The following MPDZ variants were observed in gnomAD, a reference collection of about 807,000 sequenced individuals.
The protein encoded by MPDZ is multiple PDZ domain protein.
Under a neutral mutation model 239.1 loss-of-function variants are expected in MPDZ, and 234 were observed. The ratio of observed to expected loss-of-function variants is 0.98; its 90% CI spans 0.88 to 1.09. MPDZ has a LOEUF of 1.09. Ranked by LOEUF, MPDZ falls within the 50% of genes least tolerant of loss-of-function variation. The pLI, the probability that MPDZ is intolerant of heterozygous loss-of-function variation, is 0.00. For missense variants in MPDZ, 3,175 were observed against 2,510.0 expected (o/e 1.26, Z -5.66); for synonymous variants, 1,048 against 881.3 (o/e 1.19, Z -3.35).
chr9:13,174,613 T>C (rs1952220188), intron 21 of MPDZ, among the ~76,000 whole-genome samples: 1 of 152,176 alleles, frequency 6.6e-6, no homozygotes. Flanking sequence ...ATAACTCCTA[T>C]TAACATCCTA....
chr9:13,195,283 G>A (rs1234581952), intron 13 of MPDZ, among the ~76,000 whole-genome samples: 1 of 152,020 alleles, frequency 6.6e-6, no homozygotes, highest in African/African-American at 2.4e-5. Context: ...GCGAGACCTT[G>A]TCTCAAAAAA....
intron 23 of MPDZ, among the ~76,000 whole-genome samples, chr9:13,162,203 G>A (rs567442192): frequency 4.6e-5 from 7 of 151,486 alleles, no homozygotes; most frequent in Non-Finnish European, 1.0e-4. Context: ...GGTAGAGGCT[G>A]CAGTTAACTG....
At chr9:13,119,698 C>G (rs1475907904) in intron 38 of MPDZ, 49 bp from the exon 39 acceptor site, 1 of 1,608,596 alleles carries the variant, frequency 6.2e-7, no homozygotes, top group Non-Finnish European at 8.5e-7. Flanking sequence ...AACTGTAATG[C>G]AATGCTTATT....
chr9:13,276,337 A>G (rs1057071386), intron 1 of MPDZ, among the ~76,000 whole-genome samples: 3 of 152,184 alleles, frequency 2.0e-5, no homozygotes, highest in African/African-American at 7.2e-5. Flanking sequence ...TCCCACTAAA[A>G]TTATTTAATC....
At chr9:13,149,187 G>A (rs1214584208) in intron 25 of MPDZ, among the ~76,000 whole-genome samples, 2 of 151,414 alleles carry the variant, frequency 1.3e-5, no homozygotes, top group African/African-American at 4.9e-5. Flanking sequence ...CTTATAAACG[G>A]TCATCAAAAA....
intron 3 of MPDZ, among the ~76,000 whole-genome samples, chr9:13,228,047 C>A (rs1447733295): frequency 2.6e-5 from 4 of 151,962 alleles, no homozygotes; most frequent in African/African-American, 9.7e-5. Context: ...AGCAGTCATG[C>A]CACAAATGTT....
chr9:13,209,314 C>A (rs979889163), intron 10 of MPDZ, among the ~76,000 whole-genome samples: 2 of 152,154 alleles, frequency 1.3e-5, no homozygotes, highest in African/African-American at 4.8e-5. Flanking sequence ...CTCCAAATAA[C>A]TCCTGGCTAT....
intron 22 of MPDZ, among the ~76,000 whole-genome samples, chr9:13,166,046 A>C (rs1951036213): frequency 6.6e-6 from 1 of 152,146 alleles, no homozygotes; most frequent in African/African-American, 2.4e-5. Context: ...TATGTAACTC[A>C]ACCACAGTCT....
At chr9:13,262,899 C>T (rs969314261) in intron 1 of MPDZ, among the ~76,000 whole-genome samples, 8 of 151,788 alleles carry the variant, frequency 5.3e-5, no homozygotes, top group African/African-American at 1.9e-4. Flanking sequence ...TATGTATATA[C>T]ATACTTTCAT....
At chr9:13,126,375 T>A (rs1945115630) in intron 34 of MPDZ, 141 bp downstream of exon 34, 2 of 533,392 alleles carry the variant, frequency 3.7e-6, no homozygotes, top group Non-Finnish European at 6.3e-6. Context: ...ATTGAAGAAC[T>A]TCTGAACAAT....
chr9:13,236,441 C>T (rs901117473), intron 3 of MPDZ, among the ~76,000 whole-genome samples: 26 of 150,248 alleles, frequency 1.7e-4, no homozygotes, highest in Non-Finnish European at 3.4e-4. Context: ...TACCACCCAC[C>T]TGGCTAATTT....
At chr9:13,159,098 GA>G (rs1950165884) in intron 23 of MPDZ, among the ~76,000 whole-genome samples, 2 of 152,096 alleles carry the variant, frequency 1.3e-5, no homozygotes, top group South Asian at 4.1e-4. Context: ...CAGGAATACT[GA>G]ACTGTCTCAA....
In MPDZ at chr9:13,162,787, T is replaced by C. The variant is rs372125677; in HGVS notation, c.3263A>G (p.Tyr1088Cys). ...SLIGPDIKIT[Y>C]VPAEHLEEFK... ...CTCTTCCAAATGTTCTGCAGGCACA[T>C]AAGTAATTCTGGAACAAACCAGAAT... Residue 1088 changes from tyrosine (Y) to cysteine (C), a missense_variant, in exon 23 of 47, where the codon TAT becomes TGT. Coordinates refer to ENST00000319217, the MANE Select transcript of MPDZ (RefSeq NM_001378778.1). 8.5e-5 allele frequency: 137 copies of C among 1,609,412 alleles called. No individual in the cohort carries two copies. The highest frequency in any genetic ancestry group is 1.1e-4 in the Non-Finnish European group (132 of 1,176,982).
chr9:13,131,043 C>G (rs948396318), intron 32 of MPDZ, among the ~76,000 whole-genome samples: 3 of 152,040 alleles, frequency 2.0e-5, no homozygotes, highest in Non-Finnish European at 4.4e-5. Flanking sequence ...ACATAATGAA[C>G]AAATGTTACA....
chr9:13,208,095 C>A (rs980894382), intron 10 of MPDZ, among the ~76,000 whole-genome samples: 1 of 152,166 alleles, frequency 6.6e-6, no homozygotes, highest in African/African-American at 2.4e-5. Context: ...ATTTTATAAT[C>A]TAAATCTTGT....
intron 10 of MPDZ, among the ~76,000 whole-genome samples, chr9:13,209,199 A>C (rs1238080346): frequency 6.6e-6 from 1 of 152,202 alleles, no homozygotes; most frequent in Non-Finnish European, 1.5e-5. Flanking sequence ...CACACCAAGT[A>C]CTAAAGGCCA....
chr9:13,217,428 A>G, intron 8 of MPDZ, 134 bp from the exon 9 acceptor site: 2 of 610,448 alleles, frequency 3.3e-6, no homozygotes, highest in Non-Finnish European at 2.8e-6. Context: ...AAAGAATTAT[A>G]GCAGAGACGA....
intron 45 of MPDZ, 35 bp from the exon 46 acceptor site, chr9:13,109,094 T>TAA (rs374242359): frequency 6.5e-4 from 632 of 974,830 alleles, no homozygotes; most frequent in South Asian, 1.0e-3. Flanking sequence ...GGTTTTAAAT[T>TAA]AAAAAAAAAA....
At chr9:13,253,199 T>G (rs1968562360) in intron 1 of MPDZ, among the ~76,000 whole-genome samples, 1 of 135,620 alleles carries the variant, frequency 7.4e-6, no homozygotes, top group Admixed American at 8.2e-5. Flanking sequence ...AATTACTTTT[T>G]CTTCCCCCAA....
Sources: gnomAD v4.1 joint callset for allele counts (sites outside exome capture counted in the v4.1 genomes callset) on GRCh38, gnomAD v4.1.1 for gene constraint, MANE v1.5 for transcripts, NCBI Gene and HGNC (gene_info 2026-07-23, HGNC 2026-07-21) for gene names.